Variants in IQCE observed in about 807,000 individuals in gnomAD.
IQCE encodes the protein IQ motif containing E, also known as IQ domain-containing protein E.
In IQCE, 115 loss-of-function variants were observed where a neutral mutation model predicts 96.0. That is an observed-to-expected ratio of 1.20 (90% CI 1.03 to 1.40). The LOEUF is 1.40. Among genes scored for constraint, IQCE ranks in the 40% most tolerant of loss-of-function variants. The probability of loss-of-function intolerance (pLI) is 0.00; values close to 1 mark genes in which losing one functional copy is unlikely to be tolerated. For missense variants in IQCE, 1,041 were observed against 909.1 expected, an observed-to-expected ratio of 1.15 and a Z score of -1.87; for synonymous variants, 412 against 371.2, an observed-to-expected ratio of 1.11 and a Z score of -1.26.
At chr7:2,578,068 TGCGCGGGGACGTGTGTGCGGCGTGC>T (rs1465998058) in intron 6 of IQCE, among the ~76,000 whole-genome samples, 149 bp from the exon 7 acceptor site, 5 of 56,152 alleles carry the variant, frequency 8.9e-5, no homozygotes, top group Non-Finnish European at 1.6e-4. Context: ...CGTGGCTGTG[TGCGCGGGGACGTGTGTGCGGCGTGC>T]GCGCAGTGGC....
intron 14 of IQCE, among the ~76,000 whole-genome samples, chr7:2,591,387 T>C (rs1783573858): frequency 6.6e-6 from 1 of 152,164 alleles, no homozygotes; most frequent in Non-Finnish European, 1.5e-5. Context: ...GCTCCTGTCC[T>C]CCTCCTGTTG....
intron 11 of IQCE, among the ~76,000 whole-genome samples, chr7:2,586,004 A>T (rs1012792375): frequency 8.4e-6 from 1 of 119,122 alleles, no homozygotes; most frequent in South Asian, 3.0e-4. Context: ...TTGCATAAGG[A>T]TGGGGTTCCA....
chr7:2,601,694 G>T lies in IQCE; in HGVS notation c.1632+230G>T, dbSNP rs551821167. ...CCTCCCTAGTAGCTGGGATTACAGG[G>T]ATGCACCACTGTGCCCAGCTAATTT... On this transcript the variant is annotated intron_variant, in intron 18 of 21. Transcript: ENST00000402050. 8 of 487,660 alleles carry T rather than the reference G, an allele frequency of 1.6e-5. 1 individual carries two copies. Among genetic ancestry groups the T allele is most frequent in the African/African-American group, 6.0e-5 (3 of 50,208 alleles). The allele number at this position is 487,660 out of a possible 1,614,324, so 30.2% of individuals were successfully genotyped here.
At position 2,607,123 on chromosome 7, in the gene IQCE, G is replaced by A; in HGVS notation, c.1866-1G>A. The A allele has an allele frequency of 6.3e-7, 1 of 1,593,170 alleles. No homozygotes were observed. The highest frequency in any genetic ancestry group is 8.5e-7 in the Non-Finnish European group (1 of 1,171,414). On this transcript the variant is annotated splice_acceptor_variant, in intron 20 of 21. Transcript: ENST00000402050. LOFTEE classifies it high-confidence loss of function. The stretch of plus-strand genomic sequence containing the variant: ...AGCTGGCGTTTTCTGTTTTTTTCCA[G>A]TGCTACCGGTAAAAGAACCACCACC...
rs778428174 is a variant in IQCE at position 2,573,433 on chromosome 7, C to G, written c.410C>G (p.Thr137Ser). The change falls in exon 6 of 22, where the codon ACT becomes AGT. Residue 137 changes from threonine (T) to serine (S), a missense_variant. Coordinates refer to ENST00000402050, the MANE Select transcript of IQCE (RefSeq NM_152558.5). ...GTTTCTCTAGGTCATGTCCCTGGGA[C>G]TCCTGTCTACAGAGAAAAAGAAGAT... is the stretch of plus-strand genomic sequence containing the variant. ...RSASNGHVPG[T>S]PVYREKEDMY... The G allele has an allele frequency of 1.5e-5, 23 of 1,506,436 alleles. No individual in the cohort carries two copies. Among genetic ancestry groups the G allele is most frequent in the Middle Eastern group, 1.7e-4 (1 of 5,894 alleles). 93.3% of individuals were successfully genotyped at this position (1,506,436 alleles called of 1,614,324 possible).
intron 21 of IQCE, among the ~76,000 whole-genome samples, chr7:2,608,562 T>G (rs1161236140): frequency 6.6e-6 from 1 of 152,306 alleles, no homozygotes; most frequent in Middle Eastern, 3.4e-3. Context: ...TCGGGGAGAA[T>G]GTACAGACAC....
intron 21 of IQCE, chr7:2,607,544 C>T (rs1220205707): frequency 2.4e-6 from 3 of 1,268,992 alleles, no homozygotes; most frequent in African/African-American, 1.5e-5. Context: ...TGAGTAAAAC[C>T]GTGTTATTGT....
intron 13 of IQCE, 124 bp from the exon 14 acceptor site, chr7:2,589,783 C>A: frequency 1.1e-6 from 1 of 903,860 alleles, no homozygotes; most frequent in Non-Finnish European, 1.7e-6. Context: ...CGGGTCCCCT[C>A]AAAGCTTTCT....
chr7:2,605,936 G>A lies in IQCE; in HGVS notation c.1804G>A (p.Glu602Lys). Residue 602 changes from glutamate (E) to lysine (K), a missense_variant, in exon 20 of 22, where the codon GAG becomes AAG. Coordinates refer to ENST00000402050, the MANE Select transcript of IQCE (RefSeq NM_152558.5). ...IAQATGSPVQEEAIVIIQSAL... is the reference protein window; with the variant it reads ...IAQATGSPVQKEAIVIIQSAL... The stretch of plus-strand genomic sequence containing the variant: ...CCAGGCCACGGGCAGCCCTGTGCAG[G>A]AGGAGGCCATCGTCATCATCCAGTC... The A allele has an allele frequency of 6.2e-7, 1 of 1,611,604 alleles. No homozygotes were observed.
intron 6 of IQCE, among the ~76,000 whole-genome samples, chr7:2,575,867 G>A (rs1278994059): frequency 6.6e-6 from 1 of 152,160 alleles, no homozygotes; most frequent in African/African-American, 2.4e-5. Flanking sequence ...CGGCCCATCC[G>A]CCTCCTTCTC....
At chr7:2,597,069 G>A (rs1305211441) in intron 16 of IQCE, 5 of 471,180 alleles carry the variant, frequency 1.1e-5, no homozygotes, top group Non-Finnish European at 2.2e-5. Context: ...GCGTCGGCCA[G>A]GAGGCGGCAG....
At position 2,578,343 on chromosome 7, in the gene IQCE, G is replaced by A. The variant is rs777754701; in HGVS notation, c.567G>A (p.Leu189=). Residue 189 remains leucine, a synonymous_variant, in exon 7 of 22, where the codon CTG becomes CTA. Coordinates refer to ENST00000402050, the MANE Select transcript of IQCE (RefSeq NM_152558.5). ...SRKDRQIEQL[L]DPSRGTDFVR... ...AGGACCGGCAGATAGAGCAGCTCCT[G>A]GATCCCAGCCGCGTAAGCTCCTGGC... 129 of 1,613,850 alleles carry A rather than the reference G, an allele frequency of 8.0e-5. No homozygotes were observed. Among genetic ancestry groups the A allele is most frequent in the Admixed American group, 4.0e-4 (24 of 60,004 alleles).
intron 9 of IQCE, 50 bp from the exon 10 acceptor site, chr7:2,583,586 TC>T: frequency 2.1e-6 from 3 of 1,404,170 alleles, no homozygotes; most frequent in Non-Finnish European, 3.0e-6. Context: ...TCTTGCTCTG[TC>T]CCCTGGGAAC....
intron 2 of IQCE, 44 bp from the exon 3 acceptor site, chr7:2,568,909 CT>C (rs1393958701): frequency 1.3e-6 from 2 of 1,575,212 alleles, no homozygotes; most frequent in Admixed American, 3.3e-5. Flanking sequence ...TGATGCACCA[CT>C]GTGGGAGCTC....
intron 9 of IQCE, 75 bp from the exon 10 acceptor site, chr7:2,583,562 T>C: frequency 1.7e-6 from 2 of 1,157,108 alleles, no homozygotes; most frequent in East Asian, 3.1e-5. Flanking sequence ...CTGAACGTTC[T>C]GGGAAACTCT....
intron 6 of IQCE, among the ~76,000 whole-genome samples, chr7:2,574,450 T>C (rs2128440361): frequency 6.6e-6 from 1 of 152,302 alleles, no homozygotes; most frequent in South Asian, 2.1e-4. Context: ...AGAAGAACGC[T>C]CTAACCACGA....
At chr7:2,593,974 A>G (rs1232756156) in intron 15 of IQCE, among the ~76,000 whole-genome samples, 1 of 152,216 alleles carries the variant, frequency 6.6e-6, no homozygotes, top group Non-Finnish European at 1.5e-5. Flanking sequence ...GAATGAAGAA[A>G]ACTGTGGCCG....
At chr7:2,601,605 A>G (rs529706136) in intron 18 of IQCE, 141 bp downstream of exon 18, 171 of 718,836 alleles carry the variant, frequency 2.4e-4, no homozygotes, top group Non-Finnish European at 3.7e-4. Flanking sequence ...CCTGGAGTGC[A>G]GTGGTGCAAT....
Position 2,578,473 on chromosome 7 carries a change from C to T in IQCE, c.580-3C>T, listed in dbSNP as rs771834409. The stretch of plus-strand genomic sequence containing the variant: ...TCTTCATGTCTCAATCTGCTTACCA[C>T]AGGGCACGGATTTTGTTCGGACTCT... On this transcript the variant is annotated splice_polypyrimidine_tract_variant and splice_region_variant and intron_variant, in intron 7 of 21. Transcript: ENST00000402050. 9 of 1,614,080 alleles carry T rather than the reference C, an allele frequency of 5.6e-6. No individual in the cohort carries two copies. The East Asian group carries it at 1.1e-4, about 20-fold the overall frequency.
Sources: gnomAD v4.1 joint callset for allele counts (sites outside exome capture counted in the v4.1 genomes callset) on GRCh38, gnomAD v4.1.1 for gene constraint, MANE v1.5 for transcripts, NCBI Gene and HGNC (gene_info 2026-07-23, HGNC 2026-07-21) for gene names.